The following NALF1 variants were observed in gnomAD, a reference collection of about 807,000 sequenced individuals.
NALF1 encodes the protein family with sequence similarity 155 member A.
NALF1 carries 3 observed loss-of-function variants against 48.4 expected under a neutral mutation model. The observed-to-expected ratio is 0.06, with a 90% CI of 0.03 to 0.16. The LOEUF (loss-of-function observed/expected upper bound fraction) is 0.16, where lower values mean the gene tolerates loss of function less well. Ranked by LOEUF, NALF1 falls within the 10% of genes least tolerant of loss-of-function variation. The pLI is 1.00. For missense variants in NALF1, 526 were observed against 571.5 expected, an observed-to-expected ratio of 0.92 and a Z score of 0.81; for synonymous variants, 262 against 245.7, an observed-to-expected ratio of 1.07 and a Z score of -0.62.
intron 1 of NALF1, among the ~76,000 whole-genome samples, chr13:107,330,086 G>A (rs1357787810): frequency 6.6e-6 from 1 of 152,108 alleles, no homozygotes; most frequent in Non-Finnish European, 1.5e-5. Context: ...GCCCAGGATG[G>A]ACCCTAGGCT....
intron 1 of NALF1, among the ~76,000 whole-genome samples, chr13:107,261,236 T>C (rs753098072): frequency 1.2e-4 from 19 of 152,298 alleles, no homozygotes; most frequent in Non-Finnish European, 2.5e-4. Context: ...TGGAATTAGA[T>C]AGAAATCTCT....
chr13:107,313,438 A>G (rs1882084001), intron 1 of NALF1, among the ~76,000 whole-genome samples: 1 of 152,150 alleles, frequency 6.6e-6, no homozygotes, highest in Admixed American at 6.6e-5. Flanking sequence ...AAAAACAAAC[A>G]AACAACAACA....
intron 1 of NALF1, among the ~76,000 whole-genome samples, chr13:107,717,496 A>T (rs988630757): frequency 1.3e-5 from 2 of 152,126 alleles, no homozygotes; most frequent in African/African-American, 4.8e-5. Context: ...AAAGAGGAGA[A>T]GTCGAGAAAC....
chr13:107,315,207 C>T (rs1246499736), intron 1 of NALF1, among the ~76,000 whole-genome samples: 3 of 151,918 alleles, frequency 2.0e-5, no homozygotes, highest in African/African-American at 7.2e-5. Flanking sequence ...CATTTGTATA[C>T]AGTAATACAT....
At chr13:107,800,956 A>G (rs960463598) in intron 1 of NALF1, among the ~76,000 whole-genome samples, 9 of 152,024 alleles carry the variant, frequency 5.9e-5, no homozygotes, top group Admixed American at 5.9e-4. Flanking sequence ...CTATCAATGA[A>G]CTATCTTATA....
At chr13:107,347,789 T>G (rs1882801487) in intron 1 of NALF1, among the ~76,000 whole-genome samples, 1 of 152,248 alleles carries the variant, frequency 6.6e-6, no homozygotes, top group Non-Finnish European at 1.5e-5. Context: ...ATGTGTAAAC[T>G]CAGACTTAAC....
intron 1 of NALF1, among the ~76,000 whole-genome samples, chr13:107,819,071 C>G (rs983238661): frequency 6.6e-6 from 1 of 152,080 alleles, no homozygotes; most frequent in African/African-American, 2.4e-5. Flanking sequence ...GATGCATACT[C>G]CCATGACAAC....
intron 1 of NALF1, among the ~76,000 whole-genome samples, chr13:107,283,477 G>C (rs1881428831): frequency 6.6e-6 from 1 of 151,804 alleles, no homozygotes; most frequent in Non-Finnish European, 1.5e-5. Flanking sequence ...AACACAAATC[G>C]GTTAAAAAAA....
chr13:107,548,582 C>G (rs975214837), intron 1 of NALF1, among the ~76,000 whole-genome samples: 23 of 152,052 alleles, frequency 1.5e-4, no homozygotes, highest in African/African-American at 5.6e-4. Context: ...CAGTCCCACC[C>G]ACAATGTATG....
chr13:107,429,191 G>C (rs1884332448), intron 1 of NALF1, among the ~76,000 whole-genome samples: 1 of 151,926 alleles, frequency 6.6e-6, no homozygotes, highest in African/African-American at 2.4e-5. Flanking sequence ...GCGTGGTTGT[G>C]CAAGTCTGTA....
intron 1 of NALF1, among the ~76,000 whole-genome samples, chr13:107,623,216 T>C (rs1171549797): frequency 1.3e-5 from 2 of 152,192 alleles, no homozygotes; most frequent in African/African-American, 4.8e-5. Context: ...CTTATTAATA[T>C]AATTTTGTTG....
rs553640418 is a variant in NALF1 at position 107,812,538 on chromosome 13, CATA to C, written c.915+53141_915+53143del. 1.6e-3 allele frequency among the ~76,000 whole-genome samples: 249 copies of C among 152,176 alleles called. 1 individual carries two copies. Among genetic ancestry groups the C allele is most frequent in the African/African-American group, 5.6e-3 (233 of 41,546 alleles). ...CTAAAAATAGCTACAAAGTTTGTAT[CATA>C]ATATTAATATTCAAACTTCTCTGTA... is the stretch of plus-strand genomic sequence containing the variant. On this transcript the variant is annotated intron_variant, in intron 1 of 2. Transcript: ENST00000375915.
At chr13:107,217,582 T>C (rs1879900071) in intron 1 of NALF1, among the ~76,000 whole-genome samples, 1 of 152,166 alleles carries the variant, frequency 6.6e-6, no homozygotes, top group Non-Finnish European at 1.5e-5. Flanking sequence ...TCTCTCACTC[T>C]GTTTCAATAC....
chr13:107,508,305 T>C (rs1364169302), intron 1 of NALF1, among the ~76,000 whole-genome samples: 1 of 151,672 alleles, frequency 6.6e-6, no homozygotes, highest in African/African-American at 2.4e-5. Context: ...AGGAACTTAT[T>C]AATATTTGAT....
At chr13:107,359,193 C>T (rs1883018324) in intron 1 of NALF1, among the ~76,000 whole-genome samples, 1 of 151,978 alleles carries the variant, frequency 6.6e-6, no homozygotes, top group Non-Finnish European at 1.5e-5. Flanking sequence ...TTTCTCAGTT[C>T]TGTTTCTCTT....
intron 1 of NALF1, among the ~76,000 whole-genome samples, chr13:107,676,698 T>C (rs1881134832): frequency 6.6e-6 from 1 of 152,064 alleles, no homozygotes; most frequent in Non-Finnish European, 1.5e-5. Context: ...AAGGGGAAGA[T>C]ATTTATCTTT....
At chr13:107,202,703 C>A (rs1297939997) in intron 2 of NALF1, among the ~76,000 whole-genome samples, 2 of 152,136 alleles carry the variant, frequency 1.3e-5, no homozygotes, top group East Asian at 3.9e-4. Flanking sequence ...GTTGAGAAAT[C>A]AGGACATGTT....
intron 1 of NALF1, among the ~76,000 whole-genome samples, chr13:107,301,551 T>A (rs1257886713): frequency 6.6e-6 from 1 of 152,220 alleles, no homozygotes; most frequent in East Asian, 1.9e-4. Flanking sequence ...AAAGGAATTA[T>A]CTTCTCATGT....
intron 2 of NALF1, among the ~76,000 whole-genome samples, chr13:107,209,996 T>C (rs1013646127): frequency 9.9e-5 from 15 of 152,182 alleles, no homozygotes; most frequent in Non-Finnish European, 5.9e-5. Context: ...TATTGGTGTT[T>C]TGCCCAGTCT....
Sources: allele counts gnomAD v4.1 joint callset (sites outside exome capture counted in the v4.1 genomes callset), GRCh38; gene constraint gnomAD v4.1.1; transcripts MANE v1.5; gene names NCBI Gene and HGNC (gene_info 2026-07-23, HGNC 2026-07-21).